The following RIMBP2 variants were observed in gnomAD, a reference collection of about 807,000 sequenced individuals.
RIMBP2 encodes the protein RIMS-binding protein 2.
In RIMBP2, 48 loss-of-function variants were observed where a neutral mutation model predicts 118.6. The ratio of observed to expected loss-of-function variants is 0.40; its 90% CI spans 0.32 to 0.51. The LOEUF (loss-of-function observed/expected upper bound fraction) is 0.51. RIMBP2 is among the 20% of genes least tolerant of loss of function. RIMBP2 has a pLI of 0.41. For missense variants in RIMBP2, 1,551 were observed against 1,768.3 expected, an observed-to-expected ratio of 0.88 and a Z score of 2.20; for synonymous variants, 762 against 742.9, an observed-to-expected ratio of 1.03 and a Z score of -0.42.
chr12:130,690,003 C>T (rs914128605), intron 1 of RIMBP2, among the ~76,000 whole-genome samples: 4 of 152,124 alleles, frequency 2.6e-5, no homozygotes, highest in African/African-American at 4.8e-5. Flanking sequence ...TTAAGCGCCT[C>T]GCAATTGCAG....
In RIMBP2 at chr12:130,475,594, A is replaced by T. The variant is rs2081360181; in HGVS notation, c.102+3318T>A. Among the ~76,000 whole-genome samples the T allele has an allele frequency of 6.6e-6, 1 of 152,102 alleles. No homozygotes were observed. Among genetic ancestry groups the T allele is most frequent in the African/African-American group, 2.4e-5 (1 of 41,432 alleles). ...GCATTTCCAGGACCTGGACTGAAGG[A>T]AGAGGCCAGGGGCTCCAGGCGGGCG... On this transcript the variant is annotated intron_variant, in intron 5 of 22. Coordinates refer to ENST00000690449, the MANE Select transcript of RIMBP2 (RefSeq NM_001393629.1). The surrounding 1 kb of genome is among the most constrained non-coding windows in gnomAD (Gnocchi z 4.1).
chr12:130,461,299 C>T (rs1039966602), intron 6 of RIMBP2, among the ~76,000 whole-genome samples: 4 of 152,178 alleles, frequency 2.6e-5, no homozygotes, highest in African/African-American at 7.2e-5. Flanking sequence ...AGCAAATCAC[C>T]GTGTGGACAC....
rs116843290 is a variant in RIMBP2, at chr12:130,621,134, G to A, written c.-217+7188C>T. ...CCCTGGGAGCTGGTCATTCCTACGT[G>A]GAAAGTGACCTTAGGTGAGTTGGAA... On this transcript the variant is annotated intron_variant, in intron 2 of 22. Coordinates refer to ENST00000690449, the MANE Select transcript of RIMBP2 (RefSeq NM_001393629.1). The surrounding 1 kb of genome is among the most constrained non-coding windows in gnomAD (Gnocchi z 6.6). 4.2e-3 allele frequency among the ~76,000 whole-genome samples: 636 copies of A among 152,238 alleles called. 21 individuals carry two copies. The East Asian group carries it at 0.059, about 14-fold the overall frequency.
At chr12:130,640,970 G>A (rs1273948776) in intron 1 of RIMBP2, among the ~76,000 whole-genome samples, 4 of 152,232 alleles carry the variant, frequency 2.6e-5, no homozygotes, top group Non-Finnish European at 5.9e-5. Context: ...ATCAACCAAA[G>A]AAAGGGCAGA....
chr12:130,602,035 G>A (rs1052323426), intron 2 of RIMBP2, among the ~76,000 whole-genome samples: 2 of 152,106 alleles, frequency 1.3e-5, no homozygotes, highest in East Asian at 1.9e-4. Flanking sequence ...ACGGTGGCTC[G>A]TGCCTGTAAT....
intron 2 of RIMBP2, among the ~76,000 whole-genome samples, chr12:130,539,692 G>A (rs2054403544): frequency 7.1e-6 from 1 of 141,802 alleles, no homozygotes; most frequent in African/African-American, 2.6e-5. Context: ...CAGTCGATGA[G>A]GTGGCCAGGT....
At chr12:130,707,121 C>T (rs550804695) in intron 1 of RIMBP2, among the ~76,000 whole-genome samples, 4 of 152,208 alleles carry the variant, frequency 2.6e-5, no homozygotes, top group African/African-American at 9.6e-5. Flanking sequence ...GGGGTATACA[C>T]AGGACAGTGG....
intron 3 of RIMBP2, among the ~76,000 whole-genome samples, chr12:130,516,554 T>C (rs12828030): frequency 0.052 from 7,921 of 152,224 alleles, 280 homozygotes; most frequent in South Asian, 0.16. Flanking sequence ...GAGGGAGGGC[T>C]GTTAGAGTGG....
intron 4 of RIMBP2, among the ~76,000 whole-genome samples, chr12:130,504,049 G>T (rs7295790): frequency 1.2e-4 from 18 of 152,050 alleles, no homozygotes; most frequent in African/African-American, 3.4e-4. Flanking sequence ...CTGGGAGCAG[G>T]GGGGGGTGTC....
chr12:130,435,971 G>C (rs563540727), intron 13 of RIMBP2, among the ~76,000 whole-genome samples: 1 of 152,226 alleles, frequency 6.6e-6, no homozygotes, highest in Non-Finnish European at 1.5e-5. Context: ...ACACTCACAG[G>C]AGGACAGTGT....
Position 130,422,764 on chromosome 12 carries a change from C to T in RIMBP2, c.3130-203G>A, listed in dbSNP as rs535170611. On this transcript the variant is annotated intron_variant, in intron 16 of 22. Transcript: ENST00000690449. The surrounding 1 kb of genome is among the most constrained non-coding windows in gnomAD (Gnocchi z 5.2). ...CTGTCTACTCGGAGCCGCTGCTGGG[C>T]GCATGGTGGGGTGAGGGCAAAAATA... Among the ~76,000 whole-genome samples, 7 of 152,294 alleles carry T rather than the reference C, an allele frequency of 4.6e-5. No individual in the cohort carries two copies. In the South Asian group the frequency reaches 6.2e-4, roughly 14 times the overall value.
intron 2 of RIMBP2, among the ~76,000 whole-genome samples, chr12:130,619,317 C>T (rs747122420): frequency 6.6e-6 from 1 of 152,228 alleles, no homozygotes; most frequent in Non-Finnish European, 1.5e-5. Context: ...TGCTACGCAA[C>T]AGTCACTGCT....
chr12:130,599,763 C>T (rs2059762556), intron 2 of RIMBP2, among the ~76,000 whole-genome samples: 1 of 152,172 alleles, frequency 6.6e-6, no homozygotes, highest in African/African-American at 2.4e-5. Flanking sequence ...ATGTTAAATG[C>T]ACACCTACGT....
At chr12:130,477,946 G>A (rs1011775241) in intron 5 of RIMBP2, among the ~76,000 whole-genome samples, 2 of 152,218 alleles carry the variant, frequency 1.3e-5, no homozygotes, top group African/African-American at 2.4e-5. Context: ...GCTGGGTGGG[G>A]ACACTGGGCT....
chr12:130,701,599 G>A (rs1243309340), intron 1 of RIMBP2, among the ~76,000 whole-genome samples: 1 of 152,092 alleles, frequency 6.6e-6, no homozygotes, highest in Non-Finnish European at 1.5e-5. Flanking sequence ...GTAGGGGAAG[G>A]TGTCTGAGCA....
Position 130,558,061 on chromosome 12 carries a change from C to CATAGA in RIMBP2, c.-216-40149_-216-40145dup, listed in dbSNP as rs2056517339. Among the ~76,000 whole-genome samples the CATAGA allele has an allele frequency of 2.0e-5, 3 of 152,306 alleles. No individual in the cohort carries two copies. In the South Asian group the frequency reaches 6.2e-4, roughly 32 times the overall value. On this transcript the variant is annotated intron_variant, in intron 2 of 22. Transcript: ENST00000690449. Reference sequence around the variant, plus strand: ...AGACAGTGTTCAGACTCACGTCTGGCATAGAATCAATGCTCAGTGATTATG... The same window carrying CATAGA: ...AGACAGTGTTCAGACTCACGTCTGGCATAGAATAGAATCAATGCTCAGTGATTATG...
chr12:130,456,465 C>G (rs1321809864), intron 7 of RIMBP2, 31 bp downstream of exon 7: 2 of 1,533,814 alleles, frequency 1.3e-6, no homozygotes, highest in Middle Eastern at 2.2e-4. Flanking sequence ...CTCTCCCCAC[C>G]ACAGCCAAGG....
chr12:130,424,554 C>T lies in RIMBP2; in HGVS notation c.2717G>A (p.Gly906Asp), dbSNP rs1204231369. ...HVEDFLLEDR[G>D]CRFSRSATRS... The stretch of plus-strand genomic sequence containing the variant: ...GGTGGCCGAGCGGCTGAACCGACAG[C>T]CCCTGTCTTCCAGAAGGAAGTCCTC... Residue 906 changes from glycine (G) to aspartate (D), a missense_variant, in exon 16 of 23, where the codon GGC (glycine) becomes GAC (aspartate). Coordinates refer to ENST00000690449, the MANE Select transcript of RIMBP2 (RefSeq NM_001393629.1). The surrounding 1 kb of genome is among the most constrained non-coding windows in gnomAD (Gnocchi z 9.8). 6 of 1,231,874 alleles carry T rather than the reference C, an allele frequency of 4.9e-6. No homozygotes were observed. Among genetic ancestry groups the T allele is most frequent in the Middle Eastern group, 3.1e-4 (1 of 3,230 alleles). The allele number at this position is 1,231,874 out of a possible 1,614,324, so 76.3% of individuals were successfully genotyped here.
intron 4 of RIMBP2, among the ~76,000 whole-genome samples, chr12:130,485,738 G>A (rs373812086): frequency 1.3e-5 from 2 of 152,202 alleles, no homozygotes; most frequent in Admixed American, 6.5e-5. Context: ...AACAGCTCCG[G>A]GCGTGGTCCT....
Sources: allele counts gnomAD v4.1 joint callset (sites outside exome capture counted in the v4.1 genomes callset), GRCh38; gene constraint gnomAD v4.1.1; non-coding constraint Gnocchi (gnomAD v3.1); transcripts MANE v1.5; gene names NCBI Gene and HGNC (gene_info 2026-07-23, HGNC 2026-07-21).